PSTPIP2: variants seen among roughly 807,000 people sequenced by gnomAD.
PSTPIP2 encodes proline-serine-threonine phosphatase-interacting protein 2.
Under a neutral mutation model 63.3 loss-of-function variants are expected in PSTPIP2, and 33 were observed. The observed-to-expected ratio is 0.52, with a 90% CI of 0.40 to 0.70. The LOEUF (loss-of-function observed/expected upper bound fraction) is 0.70, where lower values mean the gene tolerates loss of function less well. PSTPIP2 is among the 30% of genes least tolerant of loss of function. The pLI, the probability that PSTPIP2 is intolerant of heterozygous loss-of-function variation, is 0.00. For synonymous variants in PSTPIP2, 125 were observed against 132.7 expected, an observed-to-expected ratio of 0.94 and a Z score of 0.40; for missense variants, 312 against 400.7, an observed-to-expected ratio of 0.78 and a Z score of 1.89.
chr18:46,048,523 C>T (rs1244133011), intron 1 of PSTPIP2, among the ~76,000 whole-genome samples: 1 of 152,214 alleles, frequency 6.6e-6, no homozygotes, highest in Admixed American at 6.5e-5. Flanking sequence ...GGCAAATAAG[C>T]ATCACGTGCC....
intron 2 of PSTPIP2, among the ~76,000 whole-genome samples, chr18:46,037,170 G>A (rs1908011726): frequency 6.6e-6 from 1 of 151,956 alleles, no homozygotes; most frequent in Admixed American, 6.6e-5. Flanking sequence ...TTTTTGTTTT[G>A]AGACGGAGTT....
At chr18:46,030,127 G>T (rs1247977919) in intron 2 of PSTPIP2, among the ~76,000 whole-genome samples, 1 of 151,974 alleles carries the variant, frequency 6.6e-6, no homozygotes, top group African/African-American at 2.4e-5. Flanking sequence ...AAAAAGAAAA[G>T]AAAGAAAAGA....
At chr18:46,012,359 T>A (rs754609329) in intron 4 of PSTPIP2, among the ~76,000 whole-genome samples, 5 of 152,210 alleles carry the variant, frequency 3.3e-5, no homozygotes, top group Admixed American at 6.5e-5. Context: ...GGCAGATCTA[T>A]ATGAATTGAA....
At chr18:46,036,209 T>C (rs1290974769) in intron 2 of PSTPIP2, among the ~76,000 whole-genome samples, 1 of 150,804 alleles carries the variant, frequency 6.6e-6, no homozygotes, top group African/African-American at 2.4e-5. Flanking sequence ...GTAGTAGTTA[T>C]GAACAATTAT....
chr18:46,029,783 T>C, intron 2 of PSTPIP2: 2 of 521,760 alleles, frequency 3.8e-6, no homozygotes, highest in South Asian at 3.9e-5. Flanking sequence ...GCCATGGAAT[T>C]TTCTCTCAGA....
At chr18:46,058,595 G>A (rs1287187031) in intron 1 of PSTPIP2, among the ~76,000 whole-genome samples, 3 of 151,960 alleles carry the variant, frequency 2.0e-5, no homozygotes, top group African/African-American at 2.4e-5. Flanking sequence ...TCCTGACCTC[G>A]TGATCCACCC....
rs554399482 is a variant in PSTPIP2, at chr18:46,042,226, G to C, written c.34-2179C>G. Among the ~76,000 whole-genome samples the C allele has an allele frequency of 2.6e-5, 4 of 152,282 alleles. No homozygotes were observed. The East Asian group carries it at 7.7e-4, about 29-fold the overall frequency. ...TAGACCTTAGAAAGCCCAAAAAACA[G>C]CTTCCACCAAAGCCTCATTTGTCCA... On this transcript the variant is annotated intron_variant, in intron 1 of 14. Coordinates refer to ENST00000409746, the MANE Select transcript of PSTPIP2 (RefSeq NM_024430.4).
At chr18:46,029,773 G>T (rs780195895) in intron 2 of PSTPIP2, 34 of 539,092 alleles carry the variant, frequency 6.3e-5, no homozygotes, top group Admixed American at 2.5e-4. Context: ...TCATGTTTAC[G>T]CCATGGAATT....
intron 1 of PSTPIP2, among the ~76,000 whole-genome samples, chr18:46,065,088 G>A (rs1258489357): frequency 2.8e-5 from 4 of 144,428 alleles, no homozygotes; most frequent in Non-Finnish European, 6.0e-5. Flanking sequence ...AGGTTACAGT[G>A]AGCCGAGGTC....
At chr18:46,029,277 A>T in intron 2 of PSTPIP2, 1 of 1,403,684 alleles carries the variant, frequency 7.1e-7, no homozygotes, top group South Asian at 1.2e-5. Flanking sequence ...CTTCTTGCTC[A>T]TAAATGGCAT....
Position 45,993,615 on chromosome 18 carries a change from G to A in PSTPIP2, c.731C>T (p.Thr244Ile). The change falls in exon 10 of 15, where the codon ACC (threonine) becomes ATC (isoleucine). Residue 244 changes from threonine (T) to isoleucine (I), a missense_variant. Thr to Ile is a moderately conservative substitution (Grantham distance 89). Coordinates refer to ENST00000409746, the MANE Select transcript of PSTPIP2 (RefSeq NM_024430.4). ...HVNQLSQQCVTSDEMYEQVRK... is the reference protein window; with the variant it reads ...HVNQLSQQCVISDEMYEQVRK... Reference sequence around the variant, plus strand: ...ATGCCTCTGACTTACTTCATCACTGGTGACACATTGTTGTGACAGCTGATT... The same window carrying A: ...ATGCCTCTGACTTACTTCATCACTGATGACACATTGTTGTGACAGCTGATT... The A allele has an allele frequency of 1.9e-6, 3 of 1,613,576 alleles. No homozygotes were observed. The highest frequency in any genetic ancestry group is 2.5e-6 in the Non-Finnish European group (3 of 1,179,526).
intron 1 of PSTPIP2, chr18:46,040,991 A>T: frequency 2.2e-6 from 1 of 457,332 alleles, no homozygotes; most frequent in South Asian, 1.5e-5. Flanking sequence ...AGGACCATGT[A>T]ACCTGGTGCT....
At chr18:46,002,723 A>C (rs1322672223) in intron 6 of PSTPIP2, among the ~76,000 whole-genome samples, 1 of 152,164 alleles carries the variant, frequency 6.6e-6, no homozygotes, top group Non-Finnish European at 1.5e-5. Flanking sequence ...CAGGAGGCTG[A>C]GGTAGGAGAA....
intron 9 of PSTPIP2, among the ~76,000 whole-genome samples, chr18:45,996,350 T>C (rs897599920): frequency 7.2e-5 from 11 of 152,196 alleles, no homozygotes; most frequent in African/African-American, 1.2e-4. Context: ...GGAAGGCTTA[T>C]TAGCACAGAG....
At chr18:45,998,575 T>C (rs2051628749) in intron 8 of PSTPIP2, among the ~76,000 whole-genome samples, 1 of 152,076 alleles carries the variant, frequency 6.6e-6, no homozygotes, top group Admixed American at 6.6e-5. Flanking sequence ...GGTTCTAATA[T>C]ACCCTCCCTT....
rs184430929 is a variant in PSTPIP2, at chr18:46,035,488, G to A, written c.134+4459C>T. On this transcript the variant is annotated intron_variant, in intron 2 of 14. Transcript: ENST00000409746. ...AGGAAAATTTGACCTGGACTTGGAAGGATGGGGAGAATTTACTTAGGCATC... is the reference window on the plus strand; with the variant it reads ...AGGAAAATTTGACCTGGACTTGGAAAGATGGGGAGAATTTACTTAGGCATC... 8.6e-4 allele frequency among the ~76,000 whole-genome samples: 131 copies of A among 151,890 alleles called. 3 individuals are homozygous for A. In the East Asian group the frequency reaches 0.017, roughly 20 times the overall value.
intron 4 of PSTPIP2, among the ~76,000 whole-genome samples, chr18:46,012,391 ATTG>A (rs1485748099): frequency 6.6e-6 from 1 of 152,250 alleles, no homozygotes; most frequent in Non-Finnish European, 1.5e-5. Flanking sequence ...TCTATGATAT[ATTG>A]TTAAGTAAAA....
chr18:46,003,341 A>G (rs1179212624), intron 6 of PSTPIP2, among the ~76,000 whole-genome samples: 1 of 152,076 alleles, frequency 6.6e-6, no homozygotes, highest in Non-Finnish European at 1.5e-5. Context: ...CTGGTCCCCT[A>G]TTTGTTCTCT....
intron 8 of PSTPIP2, 35 bp from the exon 9 acceptor site, chr18:45,997,863 A>T: frequency 6.3e-7 from 1 of 1,593,372 alleles, no homozygotes; most frequent in Non-Finnish European, 8.6e-7. Flanking sequence ...GTCAGAAACT[A>T]GACAGGAAGG....
Sources: gnomAD v4.1 joint callset for allele counts (sites outside exome capture counted in the v4.1 genomes callset) on GRCh38, gnomAD v4.1.1 for gene constraint, MANE v1.5 for transcripts, NCBI Gene and HGNC (gene_info 2026-07-23, HGNC 2026-07-21) for gene names.